SHQ1: variants seen among roughly 807,000 people sequenced by gnomAD.
SHQ1 encodes protein SHQ1 homolog.
SHQ1 carries 49 observed loss-of-function variants against 53.8 expected under a neutral mutation model. That is an observed-to-expected ratio of 0.91 (90% CI 0.72 to 1.16). SHQ1 has a LOEUF of 1.16. Ranked by LOEUF, SHQ1 falls within the 50% of genes most tolerant of loss-of-function variation. The pLI is 0.00. For synonymous variants in SHQ1, 243 were observed against 251.0 expected (o/e 0.97, Z 0.30); for missense variants, 738 against 683.1 (o/e 1.08, Z -0.90).
intron 6 of SHQ1, among the ~76,000 whole-genome samples, chr3:72,820,230 G>A (rs745465682): frequency 1.3e-5 from 2 of 152,074 alleles, no homozygotes; most frequent in South Asian, 2.1e-4. Flanking sequence ...AGGTTCTGAC[G>A]TTACATTATC....
chr3:72,844,425 T>C lies in SHQ1; in HGVS notation c.144-2A>G. On this transcript the variant is annotated splice_acceptor_variant, in intron 1 of 10. Coordinates refer to ENST00000325599, the MANE Select transcript of SHQ1 (RefSeq NM_018130.3). LOFTEE classifies it high-confidence loss of function. ...ACAATTCTTCCAGGAAGGGTTAATCTGCAGATTTAACACAGGTCTCATGAA... is the reference window on the plus strand; with the variant it reads ...ACAATTCTTCCAGGAAGGGTTAATCCGCAGATTTAACACAGGTCTCATGAA... 1 of 1,613,422 alleles carries C rather than the reference T, an allele frequency of 6.2e-7. No individual in the cohort carries two copies. Among genetic ancestry groups the C allele is most frequent in the Non-Finnish European group, 8.5e-7 (1 of 1,179,432 alleles).
chr3:72,739,160 T>TTTCCGGGC, the SHQ1 span, among the ~76,000 whole-genome samples: 1 of 152,236 alleles, frequency 6.6e-6, no homozygotes, highest in Non-Finnish European at 1.5e-5. Context: ...TCGAGCAACG[T>TTTCCGGGC]CTGACTTTGC....
chr3:72,749,886 G>C lies in SHQ1; in HGVS notation c.*398C>G, dbSNP rs917113336. ...CCGTATCTGTGGGGGGTTGGTTCCA[G>C]GACTCCTGAGGATACTAAAATCCTC... is the stretch of plus-strand genomic sequence containing the variant. On this transcript the variant is annotated 3_prime_UTR_variant, in exon 11 of 11. Transcript: ENST00000325599. 2.6e-5 allele frequency: 6 copies of C among 228,978 alleles called. No homozygotes were observed. The highest frequency in any genetic ancestry group is 1.3e-4 in the African/African-American group (6 of 44,980). The allele number at this position is 228,978 out of a possible 1,614,324, so 14.2% of individuals were successfully genotyped here.
chr3:72,809,142 A>G (rs928680415), intron 9 of SHQ1, among the ~76,000 whole-genome samples: 1 of 152,184 alleles, frequency 6.6e-6, no homozygotes, highest in East Asian at 1.9e-4. Context: ...GAAGCAGGAC[A>G]GAGCAACATG....
intron 9 of SHQ1, chr3:72,794,693 C>A (rs1478930998): frequency 1.3e-5 from 2 of 152,206 alleles, no homozygotes; most frequent in African/African-American, 2.4e-5. Flanking sequence ...CTCTTCCCTG[C>A]ATATGTTCTC....
intron 10 of SHQ1, among the ~76,000 whole-genome samples, chr3:72,764,488 A>G (rs1211581640): frequency 2.0e-5 from 3 of 152,220 alleles, no homozygotes; most frequent in Non-Finnish European, 4.4e-5. Context: ...ACTCTCAAAA[A>G]CTAAACCGAA....
chr3:72,764,336 G>A (rs1397376292), intron 10 of SHQ1, among the ~76,000 whole-genome samples: 4 of 152,038 alleles, frequency 2.6e-5, no homozygotes, highest in East Asian at 3.9e-4. Context: ...CATGAGCCAC[G>A]GTGCCCAGAC....
At chr3:72,806,955 C>T (rs1243128302) in intron 9 of SHQ1, among the ~76,000 whole-genome samples, 2 of 152,188 alleles carry the variant, frequency 1.3e-5, no homozygotes, top group East Asian at 1.9e-4. Flanking sequence ...CTAGTGAACA[C>T]GTCCCCAAAT....
At chr3:72,782,063 C>A (rs986647782) in intron 10 of SHQ1, among the ~76,000 whole-genome samples, 1 of 152,082 alleles carries the variant, frequency 6.6e-6, no homozygotes. Context: ...GTAAGACAAG[C>A]ACAAAACAGA....
chr3:72,748,930 G>C (rs566982594), downstream of SHQ1, among the ~76,000 whole-genome samples: 19 of 151,464 alleles, frequency 1.3e-4, no homozygotes, highest in South Asian at 3.5e-3. Flanking sequence ...ACTCCACTCT[G>C]GGAGACAGCG....
chr3:72,785,074 AT>A (rs1706184455), intron 10 of SHQ1, among the ~76,000 whole-genome samples: 1 of 152,204 alleles, frequency 6.6e-6, no homozygotes, highest in Non-Finnish European at 1.5e-5. Flanking sequence ...AAGGGAATCT[AT>A]CCCCACTGAA....
chr3:72,772,455 GTTC>G (rs1378235354), intron 10 of SHQ1: 10 of 438,848 alleles, frequency 2.3e-5, no homozygotes, highest in African/African-American at 1.4e-4. Context: ...ATTGTCAGAT[GTTC>G]ACTCATCTGG....
chr3:72,844,031 A>AT (rs1708255557), intron 2 of SHQ1, among the ~76,000 whole-genome samples: 1 of 152,244 alleles, frequency 6.6e-6, no homozygotes, highest in African/African-American at 2.4e-5. Flanking sequence ...TCATAAGCTC[A>AT]TAAGTCATCT....
chr3:72,817,402 T>A lies in SHQ1; in HGVS notation c.728-18A>T. 2 of 1,593,316 alleles carry A rather than the reference T, an allele frequency of 1.3e-6. No individual in the cohort carries two copies. Among genetic ancestry groups the A allele is most frequent in the Non-Finnish European group, 1.7e-6 (2 of 1,167,950 alleles). On this transcript the variant is annotated intron_variant, in intron 6 of 10. Coordinates refer to ENST00000325599, the MANE Select transcript of SHQ1 (RefSeq NM_018130.3). ...AAAAGACACTAGAAGAAAACGCATT[T>A]AAAAACTAGATGTTTCATTCAGTTT...
chr3:72,840,223 G>GCCTGGGCGA (rs758866097), intron 4 of SHQ1, among the ~76,000 whole-genome samples: 3,175 of 118,246 alleles, frequency 0.027, 134 homozygotes, highest in African/African-American at 0.085. Flanking sequence ...CTGCACTCCA[G>GCCTGGGCGA]CAAAGTGAGA....
At chr3:72,765,557 A>ATATATATATATATATATTT (rs1491527508) in intron 10 of SHQ1, among the ~76,000 whole-genome samples, 1 of 57,186 alleles carries the variant, frequency 1.7e-5, no homozygotes, top group African/African-American at 7.9e-5. Flanking sequence ...ATATATATAT[A>ATATATATATATATATATTT]TTTTTTTTTT....
At chr3:72,741,979 C>G in the SHQ1 span, among the ~76,000 whole-genome samples, 1 of 152,044 alleles carries the variant, frequency 6.6e-6, no homozygotes, top group East Asian at 1.9e-4. Flanking sequence ...ATATAAGGGA[C>G]TTGCACATCG....
chr3:72,833,188 C>A (rs1425578287), intron 4 of SHQ1, among the ~76,000 whole-genome samples: 2 of 152,070 alleles, frequency 1.3e-5, no homozygotes, highest in South Asian at 2.1e-4. Flanking sequence ...ACTCCTGTAA[C>A]CCCAGCACTT....
the SHQ1 span, among the ~76,000 whole-genome samples, chr3:72,738,835 CA>C: frequency 6.6e-6 from 1 of 152,342 alleles, no homozygotes; most frequent in Non-Finnish European, 1.5e-5. Flanking sequence ...GACCCTCCTC[CA>C]GGCACCTGCC....
Sources: gnomAD v4.1 joint callset for allele counts (sites outside exome capture counted in the v4.1 genomes callset) on GRCh38, gnomAD v4.1.1 for gene constraint, MANE v1.5 for transcripts, NCBI Gene and HGNC (gene_info 2026-07-23, HGNC 2026-07-21) for gene names.